Variants in PTP4A1 observed in about 807,000 individuals in gnomAD.
PTP4A1 encodes the protein protein tyrosine phosphatase type IVA 1.
A neutral mutation model predicts 20.5 loss-of-function variants in PTP4A1; 9 were observed. That is an observed-to-expected ratio of 0.44 (90% CI 0.26 to 0.77). The LOEUF is 0.77. Ranked by LOEUF, PTP4A1 falls within the 30% of genes least tolerant of loss-of-function variation. PTP4A1 has a pLI of 0.19. For synonymous variants in PTP4A1, 78 were observed against 67.4 expected, an observed-to-expected ratio of 1.16 and a Z score of -0.77; for missense variants, 137 against 218.8, an observed-to-expected ratio of 0.63 and a Z score of 2.36.
At chr6:63,522,687 G>A (rs1363571966) in intron 1 of PTP4A1, among the ~76,000 whole-genome samples, 1 of 151,984 alleles carries the variant, frequency 6.6e-6, no homozygotes, top group East Asian at 1.9e-4. Context: ...CTGGACCTGG[G>A]GATTCCTATT....
upstream of PTP4A1, among the ~76,000 whole-genome samples, chr6:63,520,630 C>G (rs1022928659): frequency 7.2e-6 from 1 of 139,000 alleles, no homozygotes; most frequent in East Asian, 2.1e-4. Flanking sequence ...GACTCTGTCT[C>G]AAATAAATAA....
chr6:63,520,351 G>A (rs900343238), upstream of PTP4A1, among the ~76,000 whole-genome samples: 5 of 152,196 alleles, frequency 3.3e-5, no homozygotes, highest in South Asian at 2.1e-4. Context: ...AATAGACTGG[G>A]TGTGGTGGCT....
intron 3 of PTP4A1, among the ~76,000 whole-genome samples, chr6:63,552,924 C>G (rs571322093): frequency 2.0e-5 from 3 of 151,994 alleles, no homozygotes; most frequent in Non-Finnish European, 4.4e-5. Context: ...GGTACTGTAG[C>G]CTTGTAGTAT....
rs772109649 is a variant in PTP4A1, at chr6:63,580,143, A to G, written c.491A>G (p.Asn164Ser). 8.1e-6 allele frequency: 13 copies of G among 1,612,990 alleles called. No individual in the cohort carries two copies. Among genetic ancestry groups the G allele is most frequent in the African/African-American group, 1.3e-5 (1 of 74,870 alleles). The stretch of plus-strand genomic sequence containing the variant: ...ATGCGGCTGCGTTTCAAAGATTCCA[A>G]CGGTCATAGAAACAACTGTTGCATT... Reference protein sequence around the residue: ...PKMRLRFKDSNGHRNNCCIQ With the variant: ...PKMRLRFKDSSGHRNNCCIQ The change falls in exon 6 of 6, where the codon AAC (asparagine) becomes AGC (serine). Residue 164 changes from asparagine to serine, a missense_variant. Physicochemically the swap from Asn to Ser is conservative, Grantham distance 46 (BLOSUM62 1). Coordinates refer to ENST00000626021, the MANE Select transcript of PTP4A1 (RefSeq NM_003463.5).
At chr6:63,550,360 C>T (rs1242585281) in exon 3 of PTP4A1, 2 of 152,072 alleles carry the variant, frequency 1.3e-5, no homozygotes, top group East Asian at 3.9e-4. Context: ...CTTGGGTCAC[C>T]ATTTGGTGAG....
At chr6:63,526,892 C>T (rs1775213284) in intron 1 of PTP4A1, among the ~76,000 whole-genome samples, 1 of 147,040 alleles carries the variant, frequency 6.8e-6, no homozygotes, top group African/African-American at 2.5e-5. Context: ...GCACTATCTA[C>T]AGGACAAAAG....
Position 63,582,371 on chromosome 6 carries a change from A to G in PTP4A1, c.*2197A>G, listed in dbSNP as rs1237383056. 1 of 152,628 alleles carries G rather than the reference A, an allele frequency of 6.6e-6. No homozygotes were observed. Among genetic ancestry groups the G allele is most frequent in the Non-Finnish European group, 1.5e-5 (1 of 68,016 alleles). 9.5% of individuals were successfully genotyped at this position (152,628 alleles called of 1,614,324 possible). A position where few individuals can be genotyped will look rare whatever the true frequency, so the allele number is the denominator to read the frequency against. ...TGAGTTTGAAAAGAAATTAATTTGCAGTGTTTGGATTGTATATATGGTGCT... is the reference window on the plus strand; with the variant it reads ...TGAGTTTGAAAAGAAATTAATTTGCGGTGTTTGGATTGTATATATGGTGCT... On this transcript the variant is annotated 3_prime_UTR_variant, in exon 6 of 6. Transcript: ENST00000626021.
chr6:63,558,951 A>T (rs1776809793), intron 3 of PTP4A1, among the ~76,000 whole-genome samples: 2 of 152,244 alleles, frequency 1.3e-5, no homozygotes, highest in Non-Finnish European at 2.9e-5. Context: ...GCCTGCACAT[A>T]GTAAGCACTG....
At chr6:63,520,621 A>T (rs537747192), upstream of PTP4A1, among the ~76,000 whole-genome samples, 1 of 145,372 alleles carries the variant, frequency 6.9e-6, no homozygotes, top group African/African-American at 2.6e-5. Context: ...ACAGAGTGAG[A>T]CTCTGTCTCA....
chr6:63,566,019 T>C (rs1777176546), intron 3 of PTP4A1, among the ~76,000 whole-genome samples: 1 of 152,228 alleles, frequency 6.6e-6, no homozygotes, highest in South Asian at 2.1e-4. Flanking sequence ...GGAAGCCACA[T>C]GCATTTTTTG....
At chr6:63,572,042 C>G (rs1378986974), upstream of PTP4A1, 2 of 152,276 alleles carry the variant, frequency 1.3e-5, no homozygotes, top group Non-Finnish European at 2.9e-5. Context: ...CAGTAGAAAG[C>G]AGGCTCGACA....
intron 1 of PTP4A1, among the ~76,000 whole-genome samples, chr6:63,574,589 AG>A (rs1286387382): frequency 6.6e-6 from 1 of 152,222 alleles, no homozygotes; most frequent in Non-Finnish European, 1.5e-5. Flanking sequence ...ACTTACATGA[AG>A]GGATATGGCC....
rs1468698920 is a variant in PTP4A1 at position 63,581,220 on chromosome 6, T to G, written c.*1046T>G. 1 of 152,586 alleles carries G rather than the reference T, an allele frequency of 6.6e-6. No individual in the cohort carries two copies. Among genetic ancestry groups the G allele is most frequent in the Non-Finnish European group, 1.5e-5 (1 of 68,004 alleles). The allele number at this position is 152,586 out of a possible 1,614,324, so 9.5% of individuals were successfully genotyped here. A position where few individuals can be genotyped will look rare whatever the true frequency, so the allele number is the denominator to read the frequency against. ...AATGAATTGAGCAGACATCTAATAT[T>G]TTATATGCCTTTTGAGCTGTGTAAC... On this transcript the variant is annotated 3_prime_UTR_variant, in exon 6 of 6. Coordinates refer to ENST00000626021, the MANE Select transcript of PTP4A1 (RefSeq NM_003463.5).
chr6:63,577,997 C>G (rs1260525865), intron 2 of PTP4A1, among the ~76,000 whole-genome samples: 1 of 126,710 alleles, frequency 7.9e-6, no homozygotes, highest in Non-Finnish European at 1.7e-5. Flanking sequence ...CAATGTAAAT[C>G]AGTAAAGTTT....
intron 2 of PTP4A1, chr6:63,549,023 A>G: frequency 4.1e-6 from 3 of 727,884 alleles, no homozygotes; most frequent in Non-Finnish European, 7.5e-6. Flanking sequence ...GCTCGATGGG[A>G]TCCACGTCGT....
chr6:63,578,638 C>T (rs1233332209), intron 3 of PTP4A1, 109 bp downstream of exon 3: 3 of 1,396,754 alleles, frequency 2.1e-6, no homozygotes, highest in Admixed American at 3.1e-5. Flanking sequence ...CCTCAAAAAG[C>T]TAAAAACAAA....
intron 2 of PTP4A1, among the ~76,000 whole-genome samples, chr6:63,538,243 C>T (rs1331148328): frequency 5.9e-5 from 9 of 152,164 alleles, no homozygotes; most frequent in Non-Finnish European, 4.4e-5. Context: ...TGGTTGGAAG[C>T]TGGCATCAGA....
intron 2 of PTP4A1, among the ~76,000 whole-genome samples, chr6:63,541,016 GGGAATGAAGAAA>G (rs1259828012): frequency 7.7e-5 from 10 of 129,228 alleles, no homozygotes; most frequent in South Asian, 2.6e-4. Flanking sequence ...AAAGGAAGGA[GGGAATGAAGAAA>G]GGAAGGAAGG....
At chr6:63,561,052 T>C (rs1368202087) in intron 3 of PTP4A1, among the ~76,000 whole-genome samples, 2 of 152,204 alleles carry the variant, frequency 1.3e-5, no homozygotes, top group East Asian at 3.9e-4. Flanking sequence ...TCAGAACACG[T>C]AGGAAGCCAA....
Sources: gnomAD v4.1 joint callset for allele counts (sites outside exome capture counted in the v4.1 genomes callset) on GRCh38, gnomAD v4.1.1 for gene constraint, MANE v1.5 for transcripts, NCBI Gene and HGNC (gene_info 2026-07-23, HGNC 2026-07-21) for gene names.